The following PNISR variants were observed in gnomAD, a reference collection of about 807,000 sequenced individuals.
PNISR encodes arginine/serine-rich protein PNISR.
PNISR carries 20 observed loss-of-function variants against 93.4 expected under a neutral mutation model. The observed-to-expected ratio is 0.21, with a 90% confidence interval of 0.15 to 0.31. PNISR has a LOEUF of 0.31. PNISR is among the 10% of genes least tolerant of loss of function. The pLI, the probability that PNISR is intolerant of heterozygous loss-of-function variation, is 1.00. For missense variants in PNISR, 893 were observed against 985.4 expected, an observed-to-expected ratio of 0.91 and a Z score of 1.25; for synonymous variants, 305 against 306.5, an observed-to-expected ratio of 0.99 and a Z score of 0.05.
intron 10 of PNISR, chr6:99,403,565 GCAT>G (rs1010400164): frequency 1.5e-4 from 35 of 229,626 alleles, no homozygotes; most frequent in Non-Finnish European, 2.6e-4. Context: ...TATATAAAAT[GCAT>G]ATATTGGAGC....
At chr6:99,405,674 CCCA>C (rs950781466) in intron 8 of PNISR, among the ~76,000 whole-genome samples, 4 of 152,062 alleles carry the variant, frequency 2.6e-5, no homozygotes, top group African/African-American at 9.7e-5. Context: ...AAACAATCCT[CCCA>C]CCACAACTTC....
chr6:99,425,073 G>A, intron 1 of PNISR, 142 bp downstream of exon 1: 2 of 443,120 alleles, frequency 4.5e-6, no homozygotes, highest in Non-Finnish European at 7.5e-6. Context: ...GCGGACCGCA[G>A]CGCTTTAAAG....
Position 99,400,873 on chromosome 6 carries a change from T to C in PNISR, c.2085A>G (p.Gln695=), listed in dbSNP as rs992014439. The change falls in exon 12 of 12, where the codon CAA becomes CAG. Residue 695 remains glutamine (Q), a synonymous_variant. Coordinates refer to ENST00000369239, the MANE Select transcript of PNISR (RefSeq NM_032870.4). ...ACTTAAAATCTTTTTCTTCCCTTTT[T>C]TGTTTCTCTTTTCTTTTATCCTGTT... is the stretch of plus-strand genomic sequence containing the variant. The part of the protein sequence containing the change: ...EREQDKRKEK[Q]KREEKDFKFS... 4 of 1,590,734 alleles carry C rather than the reference T, an allele frequency of 2.5e-6. No homozygotes were observed. In the African/African-American group the frequency reaches 4.1e-5, roughly 16 times the overall value.
chr6:99,401,520 T>C lies in PNISR; in HGVS notation c.1438A>G (p.Asn480Asp). ...EAREADGDVV[N>D]EKKRTPNETT... ...TCATTTGGAGTTCTCTTCTTTTCAT[T>C]AACCACATCACCGTCTGCTTCTCTT... is the stretch of plus-strand genomic sequence containing the variant. The change falls in exon 12 of 12, where the codon AAT becomes GAT. Residue 480 changes from asparagine (N) to aspartate (D), a missense_variant. Around this residue, in one of 3 missense-constraint regions of PNISR, gnomAD observed 866 missense variants for 935.1 expected, o/e 0.93. Transcript: ENST00000369239. 6.2e-7 allele frequency: 1 copy of C among 1,613,114 alleles called. No homozygotes were observed. The highest frequency in any genetic ancestry group is 8.5e-7 in the Non-Finnish European group (1 of 1,179,800).
At chr6:99,422,983 C>G (rs2128498785) in intron 1 of PNISR, among the ~76,000 whole-genome samples, 1 of 151,720 alleles carries the variant, frequency 6.6e-6, no homozygotes, top group Admixed American at 6.6e-5. Flanking sequence ...AAATGACACC[C>G]TAGTAGCAAC....
chr6:99,411,869 A>T (rs1562246894), intron 4 of PNISR: 1 of 151,544 alleles, frequency 6.6e-6, no homozygotes. Flanking sequence ...CTCCATTCTT[A>T]TAAGGAGAAA....
intron 4 of PNISR, 25 bp from the exon 5 acceptor site, chr6:99,410,989 C>T: frequency 6.6e-7 from 1 of 1,525,548 alleles, no homozygotes; most frequent in Non-Finnish European, 9.1e-7. Context: ...GGCATAAAAA[C>T]ATTCAACAGG....
At chr6:99,410,186 T>TA (rs1403751250) in intron 5 of PNISR, 1 of 152,430 alleles carries the variant, frequency 6.6e-6, no homozygotes, top group Non-Finnish European at 1.5e-5. Context: ...ATGAAGTAAA[T>TA]AAAGCCCAAC....
rs759804720 is a variant in PNISR, at chr6:99,408,064, T to C, written c.864+17A>G. On this transcript the variant is annotated intron_variant, in intron 7 of 11. Transcript: ENST00000369239. ...CAAGATTTTCACATGGAGTTTCATG[T>C]TGGGGATTCTACTTACAAATTTACT... 3.9e-6 allele frequency: 6 copies of C among 1,552,166 alleles called. No individual in the cohort carries two copies. The African/African-American group carries it at 6.9e-5, about 18-fold the overall frequency.
intron 11 of PNISR, among the ~76,000 whole-genome samples, chr6:99,401,962 GTAGT>G (rs1180491690): frequency 9.8e-5 from 15 of 152,292 alleles, no homozygotes; most frequent in African/African-American, 3.6e-4. Flanking sequence ...TCTATAGCTT[GTAGT>G]TAGTTACGTT....
rs757585017 is a variant in PNISR at position 99,401,353 on chromosome 6, T to C, written c.1605A>G (p.Ser535=). ...SSTSSTVSSS[S]YSSSSGSSRT... is the part of the protein sequence containing the mutation. ...GACTACTACCTGAGCTAGAACTGTA[T>C]GAAGAGCTAGAGACAGTACTACTAG... The change falls in exon 12 of 12, where the codon TCA becomes TCG. Residue 535 remains serine (S), a synonymous_variant. Coordinates refer to ENST00000369239, the MANE Select transcript of PNISR (RefSeq NM_032870.4). The C allele has an allele frequency of 6.8e-6, 11 of 1,613,812 alleles. No individual in the cohort carries two copies. The highest frequency in any genetic ancestry group is 1.7e-5 in the Admixed American group (1 of 59,972).
chr6:99,404,228 T>C (rs1299241015), intron 9 of PNISR: 1 of 371,070 alleles, frequency 2.7e-6, no homozygotes, highest in South Asian at 3.0e-5. Flanking sequence ...AAGAGATAAG[T>C]GGTAAACTAA....
intron 1 of PNISR, among the ~76,000 whole-genome samples, chr6:99,416,677 A>G (rs1287143459): frequency 6.6e-6 from 1 of 152,114 alleles, no homozygotes; most frequent in African/African-American, 2.4e-5. Flanking sequence ...TTCCTTCATA[A>G]TAAAAAACAA....
At position 99,408,283 on chromosome 6, in the gene PNISR, G is replaced by T; in HGVS notation, c.674-12C>A. ...GCGTTTTACTGCGTCTGTTTCACGTGGGAAAAATATACGCAAGTCAGTTAA... is the reference window on the plus strand; with the variant it reads ...GCGTTTTACTGCGTCTGTTTCACGTTGGAAAAATATACGCAAGTCAGTTAA... On this transcript the variant is annotated splice_polypyrimidine_tract_variant and intron_variant, in intron 6 of 11. Transcript: ENST00000369239. 6.4e-7 allele frequency: 1 copy of T among 1,569,990 alleles called. No individual in the cohort carries two copies. The highest frequency in any genetic ancestry group is 8.7e-7 in the Non-Finnish European group (1 of 1,154,308).
intron 1 of PNISR, among the ~76,000 whole-genome samples, chr6:99,420,546 T>C (rs540138619): frequency 1.1e-4 from 17 of 152,342 alleles, no homozygotes; most frequent in Admixed American, 3.3e-4. Flanking sequence ...ATCTTCACCA[T>C]AGTATCTTCA....
chr6:99,413,999 C>A (rs780032060), intron 3 of PNISR, among the ~76,000 whole-genome samples: 49 of 152,086 alleles, frequency 3.2e-4, no homozygotes, highest in Non-Finnish European at 6.0e-4. Context: ...AATTATGGTA[C>A]AATCCTACAA....
rs1181227345 is a variant in PNISR, at chr6:99,414,908, T to A, written c.-31-218A>T. The stretch of plus-strand genomic sequence containing the variant: ...GAATTTGGTGGCAAGCATAACACAA[T>A]GAATTTAGCTCAAAAAAGACTTTAA... On this transcript the variant is annotated intron_variant, in intron 2 of 11. Coordinates refer to ENST00000369239, the MANE Select transcript of PNISR (RefSeq NM_032870.4). The A allele has an allele frequency of 1.0e-5, 3 of 289,556 alleles. No individual in the cohort carries two copies. The East Asian group carries it at 1.8e-4, about 17-fold the overall frequency. 17.9% of individuals were successfully genotyped at this position (289,556 alleles called of 1,614,324 possible). A position where few individuals can be genotyped will look rare whatever the true frequency, so the allele number is the denominator to read the frequency against.
Position 99,416,748 on chromosome 6 carries a change from T to C in PNISR, c.-111-320A>G, listed in dbSNP as rs1029402536. ...ACAAACATTTGAAATGAAGATCTCA[T>C]CCACCTATTATTAACTTAGATGATA... On this transcript the variant is annotated intron_variant, in intron 1 of 11. Coordinates refer to ENST00000369239, the MANE Select transcript of PNISR (RefSeq NM_032870.4). 3.3e-5 allele frequency among the ~76,000 whole-genome samples: 5 copies of C among 152,340 alleles called. 1 individual carries two copies. Among genetic ancestry groups the C allele is most frequent in the Admixed American group, 2.0e-4 (3 of 15,304 alleles).
At chr6:99,407,176 TG>T (rs1291141102) in intron 7 of PNISR, among the ~76,000 whole-genome samples, 1 of 151,480 alleles carries the variant, frequency 6.6e-6, no homozygotes, top group Non-Finnish European at 1.5e-5. Flanking sequence ...AAAAATTAGG[TG>T]GGAGTCGTGG....
Sources: gnomAD v4.1 joint callset for allele counts (sites outside exome capture counted in the v4.1 genomes callset) on GRCh38, gnomAD v4.1.1 for gene constraint, gnomAD v4.1.1 regional missense constraint, MANE v1.5 for transcripts, NCBI Gene and HGNC (gene_info 2026-07-23, HGNC 2026-07-21) for gene names.